Variants in TIPIN observed in about 807,000 individuals in gnomAD.
TIPIN encodes TIMELESS-interacting protein.
A neutral mutation model predicts 35.6 loss-of-function variants in TIPIN; 29 were observed. That is an observed-to-expected ratio of 0.82 (90% CI 0.61 to 1.11). TIPIN has a LOEUF of 1.11. Ranked by LOEUF, TIPIN falls within the 50% of genes most tolerant of loss-of-function variation. The pLI, the probability that TIPIN is intolerant of heterozygous loss-of-function variation, is 0.00. For synonymous variants in TIPIN, 102 were observed against 121.5 expected (o/e 0.84, Z 1.06); for missense variants, 296 against 345.4 (o/e 0.86, Z 1.13).
intron 6 of TIPIN, among the ~76,000 whole-genome samples, chr15:66,346,241 C>A (rs1196253548): frequency 4.0e-5 from 6 of 150,624 alleles, no homozygotes; most frequent in African/African-American, 1.5e-4. Context: ...AGCCACTGCG[C>A]CTGGCCTTAA....
At chr15:66,350,806 G>A (rs955621977) in intron 4 of TIPIN, among the ~76,000 whole-genome samples, 2 of 151,198 alleles carry the variant, frequency 1.3e-5, no homozygotes, top group African/African-American at 4.9e-5. Flanking sequence ...CTGTTGGCGG[G>A]CGCCTGTAGT....
At chr15:66,346,011 A>C (rs1284635501) in intron 6 of TIPIN, among the ~76,000 whole-genome samples, 1 of 151,768 alleles carries the variant, frequency 6.6e-6, no homozygotes, top group Non-Finnish European at 1.5e-5. Context: ...TAATGGCGCA[A>C]TCTCGGATCA....
chr15:66,355,506 A>G (rs1051626102), intron 1 of TIPIN, among the ~76,000 whole-genome samples: 12 of 151,098 alleles, frequency 7.9e-5, no homozygotes, highest in Admixed American at 7.3e-4. Context: ...TCCCAGCACT[A>G]TGGGAGGCAG....
intron 1 of TIPIN, chr15:66,379,993 T>C: frequency 4.2e-6 from 2 of 473,004 alleles, no homozygotes; most frequent in Admixed American, 4.1e-5. Flanking sequence ...TTCTTTTCTT[T>C]CTTTCTTTCT....
intron 1 of TIPIN, among the ~76,000 whole-genome samples, chr15:66,373,878 T>A (rs2093286460): frequency 6.6e-6 from 1 of 151,892 alleles, no homozygotes; most frequent in African/African-American, 2.4e-5. Flanking sequence ...AATTTTTAAA[T>A]CTTTTGTAGA....
chr15:66,355,027 C>CTTTT (rs747834289), intron 1 of TIPIN, among the ~76,000 whole-genome samples: 29 of 112,736 alleles, frequency 2.6e-4, no homozygotes, highest in East Asian at 5.7e-4. Flanking sequence ...CAATATATAT[C>CTTTT]TTTTTTTTTT....
chr15:66,351,538 C>G lies in TIPIN; in HGVS notation c.275G>C (p.Gly92Ala), dbSNP rs1483050451. 1.9e-6 allele frequency: 3 copies of G among 1,613,124 alleles called. No homozygotes were observed. In the African/African-American group the frequency reaches 4.0e-5, roughly 22 times the overall value. ...RHVFDKAKFK[G>A]KGHEAEDLKM... ...ATCAGTTCTTACCTCATGACCTTTACCTTTGAATTTTGCCTTATCAAATAC... is the reference window on the plus strand; with the variant it reads ...ATCAGTTCTTACCTCATGACCTTTAGCTTTGAATTTTGCCTTATCAAATAC... Residue 92 changes from glycine to alanine, a missense_variant, in exon 4 of 8, where the codon GGT becomes GCT. Coordinates refer to ENST00000261881, the MANE Select transcript of TIPIN (RefSeq NM_017858.3).
intron 1 of TIPIN, among the ~76,000 whole-genome samples, chr15:66,370,415 T>A (rs183742957): frequency 3.3e-4 from 50 of 151,852 alleles, no homozygotes; most frequent in Middle Eastern, 6.8e-3. Context: ...CCTAGTGGTT[T>A]CATTGCATTC....
intron 1 of TIPIN, among the ~76,000 whole-genome samples, chr15:66,375,116 A>G (rs769560172): frequency 1.3e-5 from 2 of 151,822 alleles, no homozygotes; most frequent in African/African-American, 2.4e-5. Context: ...GTGTTTTTGG[A>G]TATATGCATT....
intron 1 of TIPIN, among the ~76,000 whole-genome samples, chr15:66,353,579 G>A (rs1158942725): frequency 6.1e-5 from 9 of 146,920 alleles, no homozygotes; most frequent in Non-Finnish European, 1.3e-4. Context: ...TGCCGCCACT[G>A]CACTCCAGCC....
At chr15:66,350,259 C>T (rs576350816) in intron 4 of TIPIN, among the ~76,000 whole-genome samples, 153 of 151,904 alleles carry the variant, frequency 1.0e-3, no homozygotes, top group African/African-American at 3.6e-3. Flanking sequence ...CATAGCACCC[C>T]GCCTGGATAC....
chr15:66,376,107 C>G (rs1011621116), intron 1 of TIPIN, among the ~76,000 whole-genome samples: 13 of 151,856 alleles, frequency 8.6e-5, no homozygotes, highest in Admixed American at 1.3e-4. Flanking sequence ...AAAACCAAAA[C>G]CCACAAAACC....
intron 7 of TIPIN, among the ~76,000 whole-genome samples, chr15:66,338,940 G>A (rs1232471123): frequency 6.6e-6 from 1 of 150,868 alleles, no homozygotes; most frequent in African/African-American, 2.4e-5. Context: ...AGACCACCCT[G>A]GCCAACACAG....
intron 6 of TIPIN, among the ~76,000 whole-genome samples, chr15:66,344,217 G>A (rs2093107590): frequency 6.6e-6 from 1 of 152,004 alleles, no homozygotes; most frequent in Non-Finnish European, 1.5e-5. Context: ...TCCTGCCTCA[G>A]CCTTCTAAAT....
At chr15:66,366,046 C>T (rs1201313741) in intron 1 of TIPIN, among the ~76,000 whole-genome samples, 1 of 151,946 alleles carries the variant, frequency 6.6e-6, no homozygotes, top group Non-Finnish European at 1.5e-5. Flanking sequence ...AAGAAATATA[C>T]TGCAGCATGA....
At chr15:66,337,329 T>TATA in intron 7 of TIPIN, 148 bp from the exon 8 acceptor site, 1 of 205,212 alleles carries the variant, frequency 4.9e-6, no homozygotes, top group Non-Finnish European at 8.8e-6. Context: ...TAAATATATC[T>TATA]TTTTTTTTTT....
At chr15:66,379,417 C>T in intron 1 of TIPIN, 2 of 1,603,400 alleles carry the variant, frequency 1.2e-6, no homozygotes, top group Non-Finnish European at 8.5e-7. Flanking sequence ...TTGTTTTAAA[C>T]TGTTGTGGCT....
At chr15:66,377,675 G>A (rs1310190692) in intron 1 of TIPIN, among the ~76,000 whole-genome samples, 1 of 149,260 alleles carries the variant, frequency 6.7e-6, no homozygotes. Context: ...TTTTTTGTTT[G>A]TTTTGTTTTT....
intron 6 of TIPIN, 78 bp downstream of exon 6, chr15:66,348,982 G>A: frequency 1.7e-6 from 2 of 1,151,554 alleles, no homozygotes; most frequent in South Asian, 2.7e-5. Context: ...TGGGATTACA[G>A]GGTTGAGCCA....
Sources: gnomAD v4.1 joint callset for allele counts (sites outside exome capture counted in the v4.1 genomes callset) on GRCh38, gnomAD v4.1.1 for gene constraint, MANE v1.5 for transcripts, NCBI Gene and HGNC (gene_info 2026-07-23, HGNC 2026-07-21) for gene names.